ROBO2: variants seen among roughly 807,000 people sequenced by gnomAD.
ROBO2 encodes the protein roundabout guidance receptor 2.
A neutral mutation model predicts 160.8 loss-of-function variants in ROBO2; 53 were observed. The ratio of observed to expected loss-of-function variants is 0.33; its 90% CI spans 0.26 to 0.41. ROBO2 has a LOEUF of 0.41. Ranked by LOEUF, ROBO2 falls within the 10% of genes least tolerant of loss-of-function variation. The pLI, the probability that ROBO2 is intolerant of heterozygous loss-of-function variation, is 1.00. For missense variants in ROBO2, 1,577 were observed against 1,722.4 expected (o/e 0.92, Z 1.49); for synonymous variants, 664 against 611.7 (o/e 1.09, Z -1.26).
chr3:77,378,899 C>T (rs191163866), intron 2 of ROBO2, among the ~76,000 whole-genome samples: 11 of 151,618 alleles, frequency 7.3e-5, no homozygotes, highest in South Asian at 2.1e-4. Flanking sequence ...ACCCGGCATG[C>T]GTAACAAGTC....
At chr3:76,642,397 G>A (rs2090734120) in intron 2 of ROBO2, among the ~76,000 whole-genome samples, 2 of 126,626 alleles carry the variant, frequency 1.6e-5, no homozygotes, top group Admixed American at 2.0e-4. Flanking sequence ...CTGTCGCCCA[G>A]GCTGGAGTGT....
chr3:75,919,653 A>C (rs760070006), intron 1 of ROBO2, among the ~76,000 whole-genome samples: 5 of 152,128 alleles, frequency 3.3e-5, no homozygotes, highest in Non-Finnish European at 7.3e-5. Context: ...TTGGCTGTGA[A>C]TACATCTGGT....
chr3:77,550,721 C>A, intron 7 of ROBO2, 97 bp from the exon 9 acceptor site: 1 of 1,266,538 alleles, frequency 7.9e-7, no homozygotes, highest in Non-Finnish European at 1.1e-6. Flanking sequence ...TGTGTATTTT[C>A]TTTTTCCCAC....
At chr3:76,517,634 T>C (rs2081406615) in intron 2 of ROBO2, among the ~76,000 whole-genome samples, 2 of 152,176 alleles carry the variant, frequency 1.3e-5, no homozygotes, top group Admixed American at 1.3e-4. Flanking sequence ...CATTTTATGA[T>C]TCCAGAACTT....
chr3:76,074,530 C>T (rs1421087128), intron 2 of ROBO2, among the ~76,000 whole-genome samples: 1 of 152,098 alleles, frequency 6.6e-6, no homozygotes, highest in Non-Finnish European at 1.5e-5. Flanking sequence ...AAGAGATGGA[C>T]AGAGGTGCCA....
At chr3:77,567,414 G>A (rs572144560) in intron 12 of ROBO2, among the ~76,000 whole-genome samples, 7 of 152,066 alleles carry the variant, frequency 4.6e-5, no homozygotes, top group South Asian at 2.1e-4. Flanking sequence ...AGCTGCTTAC[G>A]ATTTATCATT....
At chr3:76,427,186 G>T (rs375757374) in intron 2 of ROBO2, among the ~76,000 whole-genome samples, 2 of 151,952 alleles carry the variant, frequency 1.3e-5, no homozygotes, top group East Asian at 3.9e-4. Context: ...TTTGCATCGG[G>T]GCTATTTCCA....
intron 2 of ROBO2, among the ~76,000 whole-genome samples, chr3:77,431,048 T>TGGA (rs1457396622): frequency 1.3e-5 from 2 of 152,248 alleles, no homozygotes; most frequent in African/African-American, 2.4e-5. Context: ...CTGATATTAA[T>TGGA]TACATTCTTT....
intron 2 of ROBO2, among the ~76,000 whole-genome samples, chr3:76,793,027 T>C (rs953130234): frequency 6.6e-6 from 1 of 151,840 alleles, no homozygotes; most frequent in African/African-American, 2.4e-5. Flanking sequence ...AAAGGCAATA[T>C]AATAAGTGTA....
At chr3:76,853,581 G>A (rs1429881406) in intron 2 of ROBO2, among the ~76,000 whole-genome samples, 1 of 152,024 alleles carries the variant, frequency 6.6e-6, no homozygotes, top group Admixed American at 6.5e-5. Context: ...CTTTTGGGTG[G>A]AGATAACCTA....
At chr3:76,992,369 A>ATATATATT (rs1491181246) in intron 2 of ROBO2, among the ~76,000 whole-genome samples, 13 of 30,236 alleles carry the variant, frequency 4.3e-4, no homozygotes, top group East Asian at 3.3e-3. Context: ...ATATATATAT[A>ATATATATT]AATTTAGCTT....
intron 2 of ROBO2, among the ~76,000 whole-genome samples, chr3:76,416,418 G>A (rs921282904): frequency 3.3e-5 from 5 of 151,860 alleles, no homozygotes; most frequent in Admixed American, 6.6e-5. Flanking sequence ...TTAAAACTGT[G>A]TGTGTGTGGG....
intron 1 of ROBO2, among the ~76,000 whole-genome samples, chr3:77,074,824 G>A (rs2067790220): frequency 6.6e-6 from 1 of 152,184 alleles, no homozygotes; most frequent in African/African-American, 2.4e-5. Context: ...AGGGCAGAAT[G>A]AGATGACGGT....
At chr3:77,374,133 G>GCAC (rs985918296) in intron 2 of ROBO2, among the ~76,000 whole-genome samples, 1 of 114,260 alleles carries the variant, frequency 8.8e-6, no homozygotes, top group African/African-American at 3.4e-5. Context: ...TCGCACCACT[G>GCAC]CACTCCAGCC....
At chr3:77,240,127 G>C (rs2088773798) in intron 2 of ROBO2, among the ~76,000 whole-genome samples, 1 of 152,178 alleles carries the variant, frequency 6.6e-6, no homozygotes, top group Non-Finnish European at 1.5e-5. Flanking sequence ...TGGGACTGGG[G>C]GCCATGGAGC....
At chr3:76,528,640 G>C (rs2082066794) in intron 2 of ROBO2, among the ~76,000 whole-genome samples, 1 of 151,922 alleles carries the variant, frequency 6.6e-6, no homozygotes, top group South Asian at 2.1e-4. Flanking sequence ...AAATCAAGCA[G>C]ATAGTTAGAA....
chr3:76,889,489 G>A (rs997233016), intron 2 of ROBO2, among the ~76,000 whole-genome samples: 1 of 152,062 alleles, frequency 6.6e-6, no homozygotes, highest in East Asian at 1.9e-4. Flanking sequence ...GATAAACATG[G>A]TAAAGACTTC....
intron 2 of ROBO2, among the ~76,000 whole-genome samples, chr3:76,201,355 G>C (rs1046995384): frequency 2.6e-5 from 4 of 151,930 alleles, no homozygotes; most frequent in Non-Finnish European, 5.9e-5. Flanking sequence ...TTATTCTTAG[G>C]ACCGTCATGC....
chr3:77,244,484 TTAG>T (rs1316159164), intron 2 of ROBO2, among the ~76,000 whole-genome samples: 1 of 152,120 alleles, frequency 6.6e-6, no homozygotes, highest in Non-Finnish European at 1.5e-5. Flanking sequence ...TAATGAATTG[TTAG>T]TAGTTGGATG....
Sources: allele counts gnomAD v4.1 joint callset (sites outside exome capture counted in the v4.1 genomes callset), GRCh38; gene constraint gnomAD v4.1.1; transcripts MANE v1.5; gene names NCBI Gene and HGNC (gene_info 2026-07-23, HGNC 2026-07-21).